The following NDUFA5 variants were observed in gnomAD, a reference collection of about 807,000 sequenced individuals.
The protein encoded by NDUFA5 is NADH:ubiquinone oxidoreductase subunit A5.
A neutral mutation model predicts 19.8 loss-of-function variants in NDUFA5; 11 were observed. The ratio of observed to expected loss-of-function variants is 0.56; its 90% CI spans 0.35 to 0.92. The LOEUF (loss-of-function observed/expected upper bound fraction) is 0.92. Among genes scored for constraint, NDUFA5 ranks in the 40% least tolerant of loss-of-function variants. NDUFA5 has a pLI of 0.01. For synonymous variants in NDUFA5, 47 were observed against 46.8 expected (o/e 1.00, Z -0.01); for missense variants, 109 against 134.2 (o/e 0.81, Z 0.93).
chr7:123,551,941 G>A (rs1053472343), intron 2 of NDUFA5, among the ~76,000 whole-genome samples: 3 of 152,090 alleles, frequency 2.0e-5, no homozygotes, highest in Non-Finnish European at 2.9e-5. Flanking sequence ...ATACAGATGA[G>A]AACAGGGGAC....
the NDUFA5 span, among the ~76,000 whole-genome samples, chr7:123,598,013 C>T: frequency 6.9e-6 from 1 of 144,346 alleles, no homozygotes; most frequent in African/African-American, 2.6e-5. Flanking sequence ...CATCTCTCTA[C>T]TTGTTTGTCT....
At chr7:123,567,361 A>G in the NDUFA5 span, among the ~76,000 whole-genome samples, 2 of 152,194 alleles carry the variant, frequency 1.3e-5, no homozygotes, top group Admixed American at 1.3e-4. Flanking sequence ...AGTTCTGTAA[A>G]TAAGGTTAGT....
At chr7:123,577,909 A>G in the NDUFA5 span, among the ~76,000 whole-genome samples, 1 of 151,984 alleles carries the variant, frequency 6.6e-6, no homozygotes, top group East Asian at 1.9e-4. Context: ...TTTAAAAATT[A>G]TACTTTAAGT....
intron 3 of NDUFA5, chr7:123,550,247 G>C (rs1798283059): frequency 9.3e-6 from 4 of 428,914 alleles, no homozygotes; most frequent in Non-Finnish European, 1.7e-5. Context: ...GTTACTTCAA[G>C]GAAGGATCTG....
At chr7:123,569,187 T>G in the NDUFA5 span, among the ~76,000 whole-genome samples, 1 of 152,192 alleles carries the variant, frequency 6.6e-6, no homozygotes, top group Non-Finnish European at 1.5e-5. Context: ...AGTCATTTTG[T>G]CCGGTGGTCA....
the NDUFA5 span, among the ~76,000 whole-genome samples, chr7:123,589,541 A>G: frequency 3.3e-5 from 5 of 151,466 alleles, no homozygotes; most frequent in Non-Finnish European, 5.9e-5. Flanking sequence ...TCATTATTCA[A>G]CTCTCACTTA....
intron 2 of NDUFA5, among the ~76,000 whole-genome samples, chr7:123,552,708 G>A (rs1010963147): frequency 2.8e-5 from 4 of 143,784 alleles, no homozygotes; most frequent in Non-Finnish European, 6.1e-5. Context: ...AAATAAAAAA[G>A]CAGATAAGCT....
At chr7:123,589,585 CT>C in the NDUFA5 span, among the ~76,000 whole-genome samples, 14 of 152,020 alleles carry the variant, frequency 9.2e-5, no homozygotes, top group East Asian at 1.9e-4. Context: ...GTTTTATGTC[CT>C]TGTGATATTT....
chr7:123,589,193 T>C, the NDUFA5 span, among the ~76,000 whole-genome samples: 2 of 151,820 alleles, frequency 1.3e-5, no homozygotes, highest in African/African-American at 4.8e-5. Context: ...CTCTTAATAT[T>C]TCCTTACTAT....
chr7:123,542,727 A>G (rs942596915), intron 4 of NDUFA5, among the ~76,000 whole-genome samples: 20 of 152,184 alleles, frequency 1.3e-4, no homozygotes, highest in African/African-American at 4.8e-4. Context: ...CATGACCCAC[A>G]GTCACTTGAG....
At chr7:123,545,763 A>C (rs1490973274) in intron 3 of NDUFA5, 87 bp from the exon 4 acceptor site, 2 of 856,666 alleles carry the variant, frequency 2.3e-6, no homozygotes, top group African/African-American at 3.5e-5. Flanking sequence ...CTATATAAAA[A>C]CACTTAAAAA....
At chr7:123,600,748 G>A in the NDUFA5 span, among the ~76,000 whole-genome samples, 2 of 152,036 alleles carry the variant, frequency 1.3e-5, no homozygotes, top group Non-Finnish European at 2.9e-5. Flanking sequence ...GAGGAGTTAG[G>A]ACCTCTCATT....
rs766305834 is a variant in NDUFA5, at chr7:123,540,890, G to GCGCGCGCACACACACACACACACA, written c.*1228_*1229insTGTGTGTGTGTGTGTGTGCGCGCG. ...TCTGAGCAAATGTGCGCATGCGCGT[G>GCGCGCGCACACACACACACACACA]CACACACACACACACACACACACAC... is the stretch of plus-strand genomic sequence containing the variant. On this transcript the variant is annotated 3_prime_UTR_variant, in exon 5 of 5. Coordinates refer to ENST00000355749, the MANE Select transcript of NDUFA5 (RefSeq NM_005000.5). 25 of 133,906 alleles carry GCGCGCGCACACACACACACACACA rather than the reference G, an allele frequency of 1.9e-4. No individual in the cohort carries two copies. Among genetic ancestry groups the GCGCGCGCACACACACACACACACA allele is most frequent in the East Asian group, 4.4e-4 (2 of 4,526 alleles). The allele number at this position is 133,906 out of a possible 1,614,324, so 8.3% of individuals were successfully genotyped here. A position where few individuals can be genotyped will look rare whatever the true frequency, so the allele number is the denominator to read the frequency against.
At chr7:123,578,712 A>T in the NDUFA5 span, among the ~76,000 whole-genome samples, 1 of 152,114 alleles carries the variant, frequency 6.6e-6, no homozygotes, top group African/African-American at 2.4e-5. Flanking sequence ...TCAGGGAGAC[A>T]TTGAATGCAC....
At chr7:123,561,656 G>A (rs1798689642), upstream of NDUFA5, among the ~76,000 whole-genome samples, 1 of 152,062 alleles carries the variant, frequency 6.6e-6, no homozygotes, top group Non-Finnish European at 1.5e-5. Context: ...GGAGTGCAGT[G>A]GCATGATCTT....
intron 4 of NDUFA5, among the ~76,000 whole-genome samples, chr7:123,543,872 C>T (rs929565803): frequency 1.3e-5 from 2 of 151,982 alleles, no homozygotes; most frequent in African/African-American, 4.8e-5. Context: ...GGTAAACAGG[C>T]CTTTGAATAA....
the NDUFA5 span, among the ~76,000 whole-genome samples, chr7:123,579,950 C>T: frequency 6.6e-6 from 1 of 152,130 alleles, no homozygotes; most frequent in East Asian, 1.9e-4. Context: ...AAGCCTGTTA[C>T]ACCTCCTGTC....
chr7:123,573,370 T>A, the NDUFA5 span, among the ~76,000 whole-genome samples: 1 of 147,456 alleles, frequency 6.8e-6, no homozygotes, highest in African/African-American at 2.5e-5. Flanking sequence ...TTTCTTCCCA[T>A]CACCTGACCC....
chr7:123,557,145 A>G, intron 2 of NDUFA5: 1 of 669,704 alleles, frequency 1.5e-6, no homozygotes, highest in Non-Finnish European at 2.7e-6. Context: ...GACAGAAGCA[A>G]GCACAAGTGA....
Sources: gnomAD v4.1 joint callset for allele counts (sites outside exome capture counted in the v4.1 genomes callset) on GRCh38, gnomAD v4.1.1 for gene constraint, MANE v1.5 for transcripts, NCBI Gene and HGNC (gene_info 2026-07-23, HGNC 2026-07-21) for gene names.